The following DNAH17 variants were observed in gnomAD, a reference collection of about 807,000 sequenced individuals.
The protein encoded by DNAH17 is axonemal beta dynein heavy chain 17.
Under a neutral mutation model 485.6 loss-of-function variants are expected in DNAH17, and 376 were observed. The observed-to-expected ratio is 0.77, with a 90% confidence interval of 0.71 to 0.84. The LOEUF (loss-of-function observed/expected upper bound fraction) is 0.84, where lower values mean the gene tolerates loss of function less well. Ranked by LOEUF, DNAH17 falls within the 40% of genes least tolerant of loss-of-function variation. The pLI is 0.00. For synonymous variants in DNAH17, 3,031 were observed against 2,405.9 expected (o/e 1.26, Z -7.60); for missense variants, 6,370 against 5,839.3 (o/e 1.09, Z -2.96).
Position 78,425,532 on chromosome 17 carries a change from T to A in DNAH17, c.12955A>T (p.Thr4319Ser). The change falls in exon 80 of 81, where the codon ACC becomes TCC. Residue 4319 changes from threonine (T) to serine (S), a missense_variant. Physicochemically the swap from Thr to Ser is moderately conservative, Grantham distance 58. Transcript: ENST00000389840. ...TTGAAGAAGCCGGCCAGCCACACGGTGGTGGGCAGGGCAAAGTCTGTCGTC... is the reference window on the plus strand; with the variant it reads ...TTGAAGAAGCCGGCCAGCCACACGGAGGTGGGCAGGGCAAAGTCTGTCGTC... Reference protein sequence around the residue: ...AWTTDFALPTTVWLAGFFNPQ... With the variant: ...AWTTDFALPTSVWLAGFFNPQ... 6.2e-7 allele frequency: 1 copy of A among 1,613,464 alleles called. No individual in the cohort carries two copies. The highest frequency in any genetic ancestry group is 8.5e-7 in the Non-Finnish European group (1 of 1,179,796).
At chr17:78,473,283 G>A (rs2088851267) in intron 54 of DNAH17, among the ~76,000 whole-genome samples, 1 of 152,160 alleles carries the variant, frequency 6.6e-6, no homozygotes, top group African/African-American at 2.4e-5. Flanking sequence ...AGTGGCTCAC[G>A]CCTGTAATCC....
chr17:78,466,064 C>T (rs1483625224), intron 56 of DNAH17, among the ~76,000 whole-genome samples: 1 of 152,170 alleles, frequency 6.6e-6, no homozygotes. Context: ...ACATGGGAGA[C>T]TTTTCATTTT....
chr17:78,574,613 C>CT (rs1445810424), intron 2 of DNAH17, 100 bp downstream of exon 2: 1 of 1,064,722 alleles, frequency 9.4e-7, no homozygotes. Context: ...TCTGCAGCTG[C>CT]TGCTGGCCCA....
At chr17:78,511,315 A>G (rs1333032664) in intron 26 of DNAH17, among the ~76,000 whole-genome samples, 1 of 152,120 alleles carries the variant, frequency 6.6e-6, no homozygotes, top group African/African-American at 2.4e-5. Context: ...ACCAAGTCAG[A>G]CAGGCTGGTC....
intron 65 of DNAH17, 40 bp downstream of exon 65, chr17:78,453,303 T>C: frequency 6.2e-7 from 1 of 1,606,560 alleles, no homozygotes; most frequent in South Asian, 1.1e-5. Flanking sequence ...GGCCTGAAGA[T>C]GTTTACCTGG....
intron 27 of DNAH17, among the ~76,000 whole-genome samples, 180 bp from the exon 28 acceptor site, chr17:78,507,985 T>C (rs932471023): frequency 1.3e-5 from 2 of 152,074 alleles, no homozygotes; most frequent in Non-Finnish European, 2.9e-5. Context: ...CAATGATGGA[T>C]GCATGCGATC....
At chr17:78,438,396 G>A (rs374563413) in intron 73 of DNAH17, among the ~76,000 whole-genome samples, 1 of 75,362 alleles carries the variant, frequency 1.3e-5, no homozygotes, top group Non-Finnish European at 2.7e-5. Flanking sequence ...TGGGCGCTCT[G>A]GGCTTTGCTG....
Position 78,468,825 on chromosome 17 carries a change from A to T in DNAH17, c.8570T>A (p.Leu2857Gln). 5 of 1,614,046 alleles carry T rather than the reference A, an allele frequency of 3.1e-6. No individual in the cohort carries two copies. Among genetic ancestry groups the T allele is most frequent in the African/African-American group, 1.3e-5 (1 of 75,062 alleles). ...CTCGGCCACCTGGGAGTCTGTCATC[A>T]GGAACACCGAGGGAACGTTCTTCAC... ...AAVKNVPSVF[L>Q]MTDSQVAEEQ... is the part of the protein sequence containing the mutation. The change falls in exon 55 of 81, where the codon CTG becomes CAG. Residue 2857 changes from leucine (L) to glutamine (Q), a missense_variant. By Grantham distance (113) the Leu-to-Gln change is moderately radical. Coordinates refer to ENST00000389840, the MANE Select transcript of DNAH17 (RefSeq NM_173628.4).
intron 54 of DNAH17, chr17:78,472,551 G>A: frequency 3.2e-6 from 1 of 311,876 alleles, no homozygotes; most frequent in Non-Finnish European, 6.5e-6. Flanking sequence ...GGGCAGCCCA[G>A]CTCTGGCTGC....
intron 51 of DNAH17, 123 bp from the exon 52 acceptor site, chr17:78,476,856 C>T: frequency 8.4e-7 from 1 of 1,191,390 alleles, no homozygotes; most frequent in Non-Finnish European, 1.1e-6. Context: ...CAGCTGTTGG[C>T]ACAGCATTCA....
intron 56 of DNAH17, among the ~76,000 whole-genome samples, chr17:78,466,452 A>T (rs147986423): frequency 0.019 from 2,805 of 151,160 alleles, 46 homozygotes; most frequent in Non-Finnish European, 0.029. Context: ...TAAATAAATT[A>T]AAAAAAAATA....
intron 41 of DNAH17, 121 bp from the exon 42 acceptor site, chr17:78,492,886 T>C (rs1173816693): frequency 2.4e-5 from 19 of 805,648 alleles, no homozygotes; most frequent in African/African-American, 6.3e-5. Flanking sequence ...AGTTTCACTC[T>C]TGTCACCGAG....
In DNAH17 at chr17:78,426,478, T is replaced by A; in HGVS notation, c.12894A>T (p.Ala4298=). Residue 4298 remains alanine, a synonymous_variant, in exon 79 of 81, where the codon GCA becomes GCT. Coordinates refer to ENST00000389840, the MANE Select transcript of DNAH17 (RefSeq NM_173628.4). ...TTACCCTGATGCGGAGCAGCAGGTCTGCGTACCAGGCCGCCAGGCCCATCA... is the reference window on the plus strand; with the variant it reads ...TTACCCTGATGCGGAGCAGCAGGTCAGCGTACCAGGCCGCCAGGCCCATCA... ...PSMMGLAAWY[A]DLLLRIRELE... 1 of 1,609,966 alleles carries A rather than the reference T, an allele frequency of 6.2e-7. No individual in the cohort carries two copies. Among genetic ancestry groups the A allele is most frequent in the Middle Eastern group, 1.7e-4 (1 of 6,042 alleles).
intron 60 of DNAH17, among the ~76,000 whole-genome samples, 171 bp downstream of exon 60, chr17:78,459,613 C>T (rs578100113): frequency 3.9e-5 from 6 of 152,310 alleles, no homozygotes; most frequent in East Asian, 1.9e-4. Context: ...TGAAGGTTCC[C>T]GCTGCTGAGC....
At chr17:78,464,057 A>G (rs2088287016) in intron 56 of DNAH17, among the ~76,000 whole-genome samples, 1 of 152,206 alleles carries the variant, frequency 6.6e-6, no homozygotes, top group African/African-American at 2.4e-5. Context: ...AAAACTAGGA[A>G]AAAGAGAAGC....
At position 78,434,050 on chromosome 17, in the gene DNAH17, G is replaced by A; in HGVS notation, c.12204C>T (p.Asn4068=). 1 of 1,610,880 alleles carries A rather than the reference G, an allele frequency of 6.2e-7. No individual in the cohort carries two copies. The highest frequency in any genetic ancestry group is 8.5e-7 in the Non-Finnish European group (1 of 1,178,126). ...DLTISINVLY[N]YLEANPKVPW... is the part of the protein sequence containing the mutation. ...TCACCTTGGGGTTGGCCTCCAGGTA[G>A]TTGTAGAGCACGTTGATGGAGATGG... The change falls in exon 75 of 81, where the codon AAC becomes AAT. Residue 4068 remains asparagine, a synonymous_variant. Transcript: ENST00000389840.
intron 54 of DNAH17, among the ~76,000 whole-genome samples, chr17:78,470,582 G>C (rs926104064): frequency 2.0e-5 from 3 of 152,046 alleles, no homozygotes; most frequent in Non-Finnish European, 4.4e-5. Flanking sequence ...CCAGGTACTT[G>C]GGAAGCTGAG....
intron 9 of DNAH17, among the ~76,000 whole-genome samples, chr17:78,568,897 G>A (rs541838682): frequency 6.6e-5 from 10 of 152,202 alleles, no homozygotes; most frequent in Non-Finnish European, 1.3e-4. Context: ...GAACGTGGGG[G>A]TTTAACTTAT....
intron 2 of DNAH17, among the ~76,000 whole-genome samples, chr17:78,573,933 T>TC (rs962267909): frequency 9.9e-5 from 15 of 150,850 alleles, no homozygotes; most frequent in Admixed American, 2.0e-4. Flanking sequence ...CCAAAGTGTG[T>TC]CCCCCCCACC....
Sources: allele counts gnomAD v4.1 joint callset (sites outside exome capture counted in the v4.1 genomes callset), GRCh38; gene constraint gnomAD v4.1.1; transcripts MANE v1.5; gene names NCBI Gene and HGNC (gene_info 2026-07-23, HGNC 2026-07-21).